The following CC2D2A variants were observed in gnomAD, a reference collection of about 807,000 sequenced individuals.
The protein encoded by CC2D2A is coiled-coil and C2 domain-containing protein 2A.
CC2D2A carries 155 observed loss-of-function variants against 212.9 expected under a neutral mutation model. The observed-to-expected ratio is 0.73, with a 90% confidence interval of 0.64 to 0.83. CC2D2A has a LOEUF of 0.83. Among genes scored for constraint, CC2D2A ranks in the 40% least tolerant of loss-of-function variants. The pLI, the probability that CC2D2A is intolerant of heterozygous loss-of-function variation, is 0.00. For synonymous variants in CC2D2A, 667 were observed against 686.5 expected (o/e 0.97, Z 0.44); for missense variants, 1,856 against 1,956.2 (o/e 0.95, Z 0.97).
intron 2 of CC2D2A, 62 bp downstream of exon 2, chr4:15,476,033 T>C: frequency 9.0e-6 from 13 of 1,443,818 alleles, no homozygotes; most frequent in South Asian, 6.3e-5. Context: ...ATGTTACACG[T>C]GTTTGTGAAT....
At chr4:15,548,963 G>A (rs1718855838) in intron 17 of CC2D2A, among the ~76,000 whole-genome samples, 1 of 152,126 alleles carries the variant, frequency 6.6e-6, no homozygotes, top group South Asian at 2.1e-4. Flanking sequence ...GGCTCTCAAG[G>A]AAATTTGAAA....
At chr4:15,550,420 A>G (rs979678939) in intron 17 of CC2D2A, among the ~76,000 whole-genome samples, 1 of 152,246 alleles carries the variant, frequency 6.6e-6, no homozygotes, top group East Asian at 1.9e-4. Flanking sequence ...GGTGCAGATA[A>G]TAAGCCATCT....
At chr4:15,544,920 T>C (rs1400305395) in intron 17 of CC2D2A, among the ~76,000 whole-genome samples, 1 of 152,200 alleles carries the variant, frequency 6.6e-6, no homozygotes, top group Non-Finnish European at 1.5e-5. Flanking sequence ...TCATAGGCAA[T>C]AAGCTTGGTC....
chr4:15,592,843 G>C (rs1256394781), intron 33 of CC2D2A, among the ~76,000 whole-genome samples: 1 of 152,092 alleles, frequency 6.6e-6, no homozygotes, highest in Non-Finnish European at 1.5e-5. Flanking sequence ...CACAGCACAT[G>C]CAAAACTCAA....
At position 15,567,727 on chromosome 4, in the gene CC2D2A, T is replaced by C; in HGVS notation, c.3339T>C (p.His1113=). The change falls in exon 26 of 37, where the codon CAT becomes CAC. Residue 1113 remains histidine, a synonymous_variant. Coordinates refer to ENST00000424120, the MANE Select transcript of CC2D2A (RefSeq NM_001378615.1). ...TCTCTTTTCAACGAACAGTTTGCCA[T>C]ACGACTACGGCTGAAGGACCAAACC... ...VEVSFQRTVC[H]TTTAEGPNPS... is the part of the protein sequence containing the mutation. 1.9e-6 allele frequency: 3 copies of C among 1,606,234 alleles called. No homozygotes were observed. The highest frequency in any genetic ancestry group is 2.5e-6 in the Non-Finnish European group (3 of 1,178,126).
At chr4:15,585,909 G>C (rs1190116496) in intron 30 of CC2D2A, among the ~76,000 whole-genome samples, 1 of 152,122 alleles carries the variant, frequency 6.6e-6, no homozygotes, top group Non-Finnish European at 1.5e-5. Flanking sequence ...AGTGCGAAAT[G>C]AAAGAAAATT....
At chr4:15,499,783 C>T (rs1006202723) in intron 4 of CC2D2A, among the ~76,000 whole-genome samples, 2 of 151,974 alleles carry the variant, frequency 1.3e-5, no homozygotes, top group Non-Finnish European at 2.9e-5. Context: ...GACAGAGGCA[C>T]ACTAAGTGGT....
chr4:15,550,461 C>T (rs2109049647), intron 17 of CC2D2A, among the ~76,000 whole-genome samples: 1 of 152,336 alleles, frequency 6.6e-6, no homozygotes, highest in Non-Finnish European at 1.5e-5. Context: ...CCACCCATTC[C>T]TCCTGATGGC....
intron 9 of CC2D2A, 33 bp downstream of exon 9, chr4:15,514,902 A>G (rs751734106): frequency 8.1e-6 from 13 of 1,599,186 alleles, no homozygotes; most frequent in South Asian, 7.8e-5. Flanking sequence ...TGTTCAGCTT[A>G]GACATCGTCA....
At chr4:15,470,995 A>C (rs948157234) in intron 1 of CC2D2A, among the ~76,000 whole-genome samples, 1 of 151,984 alleles carries the variant, frequency 6.6e-6, no homozygotes, top group Non-Finnish European at 1.5e-5. Context: ...ATGTAAATGC[A>C]CTGGTCATAT....
At chr4:15,492,944 T>C (rs1260319655) in intron 4 of CC2D2A, 2 of 515,508 alleles carry the variant, frequency 3.9e-6, no homozygotes, top group African/African-American at 3.9e-5. Context: ...TGATGCCTGC[T>C]TCACCACCTT....
chr4:15,478,093 T>C (rs1195460961), intron 2 of CC2D2A, among the ~76,000 whole-genome samples: 1 of 152,224 alleles, frequency 6.6e-6, no homozygotes, highest in East Asian at 1.9e-4. Context: ...GCTCGTAGAC[T>C]TTAGAGCTTT....
At chr4:15,586,057 G>A (rs889405768) in intron 30 of CC2D2A, 100 bp from the exon 31 acceptor site, 7 of 783,358 alleles carry the variant, frequency 8.9e-6, no homozygotes, top group Non-Finnish European at 1.5e-5. Flanking sequence ...TTTTGTACAT[G>A]TAAATGTTTG....
At chr4:15,559,788 T>C (rs1719478759) in intron 22 of CC2D2A, among the ~76,000 whole-genome samples, 1 of 152,028 alleles carries the variant, frequency 6.6e-6, no homozygotes, top group Admixed American at 6.6e-5. Flanking sequence ...TTTTTTAAAA[T>C]GAATTATTTA....
At position 15,601,368 on chromosome 4, in the gene CC2D2A, C is replaced by T. The variant is rs1198679687; in HGVS notation, c.4806C>T (p.Tyr1602=). The change falls in exon 37 of 37, where the codon TAC becomes TAT. Residue 1602 remains tyrosine, a synonymous_variant. Transcript: ENST00000424120. ...CTTTAGCTGTATACATACACCCATA[C>T]CCCAAAAATGTTTTGTCTGTTTGGA... ...EFALAVYIHP[Y]PKNVLSVWIY... is the part of the protein sequence containing the mutation. 7 of 1,587,142 alleles carry T rather than the reference C, an allele frequency of 4.4e-6. No individual in the cohort carries two copies. Among genetic ancestry groups the T allele is most frequent in the African/African-American group, 1.3e-5 (1 of 74,272 alleles).
chr4:15,504,882 T>G (rs1212376503), intron 6 of CC2D2A, among the ~76,000 whole-genome samples: 1 of 152,216 alleles, frequency 6.6e-6, no homozygotes, highest in African/African-American at 2.4e-5. Context: ...TTCAATATAC[T>G]GTTCATCAAA....
intron 8 of CC2D2A, among the ~76,000 whole-genome samples, chr4:15,512,772 G>A (rs532784071): frequency 1.4e-3 from 209 of 152,268 alleles, no homozygotes; most frequent in Non-Finnish European, 1.2e-3. Flanking sequence ...GGCCAACGTG[G>A]TGAAACCCTG....
chr4:15,531,345 C>A (rs1717836404), intron 13 of CC2D2A, among the ~76,000 whole-genome samples: 1 of 152,210 alleles, frequency 6.6e-6, no homozygotes, highest in East Asian at 1.9e-4. Context: ...CCACCCTCTC[C>A]TGGGTGTCCT....
chr4:15,570,861 C>T (rs1055533460), intron 28 of CC2D2A, among the ~76,000 whole-genome samples: 6 of 152,076 alleles, frequency 3.9e-5, no homozygotes, highest in Non-Finnish European at 7.4e-5. Context: ...GCACTCCAGC[C>T]TGGGTGAGAG....
Sources: allele counts gnomAD v4.1 joint callset (sites outside exome capture counted in the v4.1 genomes callset), GRCh38; gene constraint gnomAD v4.1.1; transcripts MANE v1.5; gene names NCBI Gene and HGNC (gene_info 2026-07-23, HGNC 2026-07-21).